The following PCDH15 variants were observed in gnomAD, a reference collection of about 807,000 sequenced individuals.
PCDH15 encodes protocadherin-15.
PCDH15 carries 129 observed loss-of-function variants against 178.5 expected under a neutral mutation model. The observed-to-expected ratio is 0.72, with a 90% CI of 0.63 to 0.84. The LOEUF (loss-of-function observed/expected upper bound fraction) is 0.84, where lower values mean the gene tolerates loss of function less well. PCDH15 is among the 40% of genes least tolerant of loss of function. The pLI is 0.00. For synonymous variants in PCDH15, 800 were observed against 732.0 expected, an observed-to-expected ratio of 1.09 and a Z score of -1.50; for missense variants, 2,230 against 2,099.9, an observed-to-expected ratio of 1.06 and a Z score of -1.21.
intron 25 of PCDH15, among the ~76,000 whole-genome samples, chr10:53,930,551 T>A (rs911578915): frequency 4.6e-5 from 7 of 151,996 alleles, no homozygotes; most frequent in African/African-American, 1.7e-4. Flanking sequence ...CACAGACAGT[T>A]GTTTTCAGAT....
chr10:55,574,552 T>C (rs1046816826), intron 2 of PCDH15, among the ~76,000 whole-genome samples: 2 of 152,046 alleles, frequency 1.3e-5, no homozygotes, highest in African/African-American at 4.8e-5. Context: ...AATATTTTAT[T>C]TTCCCCTTTA....
chr10:55,183,677 A>T (rs530929566), intron 1 of PCDH15, among the ~76,000 whole-genome samples: 246 of 149,952 alleles, frequency 1.6e-3, no homozygotes, highest in African/African-American at 5.7e-3. Flanking sequence ...ATTAAAACCT[A>T]TTTTTTTTTT....
intron 25 of PCDH15, among the ~76,000 whole-genome samples, chr10:53,908,342 G>A (rs1023098331): frequency 6.6e-6 from 1 of 152,212 alleles, no homozygotes; most frequent in Admixed American, 6.5e-5. Flanking sequence ...AGAGGAATTA[G>A]ATGAGTTAAG....
At chr10:53,914,362 C>T (rs1237046781) in intron 25 of PCDH15, among the ~76,000 whole-genome samples, 1 of 152,150 alleles carries the variant, frequency 6.6e-6, no homozygotes, top group Non-Finnish European at 1.5e-5. Context: ...TTCAAACCCA[C>T]CCAAATGTCC....
chr10:54,325,095 G>A (rs2061854833), intron 7 of PCDH15, among the ~76,000 whole-genome samples: 2 of 151,800 alleles, frequency 1.3e-5, no homozygotes, highest in South Asian at 4.2e-4. Flanking sequence ...AATAGCATGG[G>A]TGACAATATT....
At position 54,228,120 on chromosome 10, in the gene PCDH15, C is replaced by T. The variant is rs145995707; in HGVS notation, c.985+8703G>A. ...ATTTTTGGGTCTCTTTTCAGCAACA[C>T]CCCACTCCTGTTACCAATTTACTGT... On this transcript the variant is annotated intron_variant, in intron 9 of 37. Coordinates refer to ENST00000644397, the MANE Select transcript of PCDH15 (RefSeq NM_001384140.1). Among the ~76,000 whole-genome samples the T allele has an allele frequency of 4.6e-5, 7 of 152,270 alleles. No individual in the cohort carries two copies. The South Asian group carries it at 6.2e-4, about 14-fold the overall frequency.
At position 54,132,958 on chromosome 10, in the gene PCDH15, TTTGA is replaced by T. The variant is rs1057517261; in HGVS notation, c.1830_1833del (p.Asn610LysfsTer9). 4.3e-6 allele frequency: 7 copies of T among 1,614,074 alleles called. No homozygotes were observed. The highest frequency in any genetic ancestry group is 5.9e-6 in the Non-Finnish European group (7 of 1,179,988). On this transcript the variant is annotated frameshift_variant, in exon 15 of 38. Coordinates refer to ENST00000644397, the MANE Select transcript of PCDH15 (RefSeq NM_001384140.1). LOFTEE classifies it high-confidence loss of function. Reference sequence around the variant, plus strand: ...ATCAGCTGTGGGAAGCGAGGAGGGCTTTGATTATTTGGTGGAAGCACTTCAATAT... The same window carrying T: ...ATCAGCTGTGGGAAGCGAGGAGGGCTTTATTTGGTGGAAGCACTTCAATAT...
intron 2 of PCDH15, among the ~76,000 whole-genome samples, chr10:54,540,681 C>G (rs1481990086): frequency 6.6e-6 from 1 of 152,056 alleles, no homozygotes; most frequent in African/African-American, 2.4e-5. Flanking sequence ...ACCCTGATAC[C>G]AAAACCTGTT....
intron 2 of PCDH15, among the ~76,000 whole-genome samples, chr10:55,622,285 G>C (rs1488259770): frequency 6.7e-6 from 1 of 149,812 alleles, no homozygotes; most frequent in Admixed American, 6.7e-5. Flanking sequence ...CTGGGATTAC[G>C]GGCATAAGCC....
At chr10:54,806,151 T>A (rs1403690763), upstream of PCDH15, among the ~76,000 whole-genome samples, 1 of 152,194 alleles carries the variant, frequency 6.6e-6, no homozygotes, top group Non-Finnish European at 1.5e-5. Flanking sequence ...GGTATTTTCC[T>A]AAGGAGAAGA....
intron 2 of PCDH15, among the ~76,000 whole-genome samples, chr10:55,452,185 A>G (rs1037881460): frequency 6.6e-6 from 1 of 152,170 alleles, no homozygotes; most frequent in African/African-American, 2.4e-5. Flanking sequence ...AAATGATTAC[A>G]TACCTATTTT....
chr10:54,801,514 T>C (rs544667193), upstream of PCDH15, among the ~76,000 whole-genome samples: 1 of 152,318 alleles, frequency 6.6e-6, no homozygotes, highest in Non-Finnish European at 1.5e-5. Flanking sequence ...CTGTTCTGTT[T>C]TGTGTGTTTG....
intron 2 of PCDH15, among the ~76,000 whole-genome samples, chr10:55,079,933 A>G (rs1305216983): frequency 6.6e-6 from 1 of 152,040 alleles, no homozygotes; most frequent in Non-Finnish European, 1.5e-5. Flanking sequence ...CTCAGGCCCC[A>G]GGTAGTGTGC....
intron 2 of PCDH15, among the ~76,000 whole-genome samples, chr10:55,329,046 A>C (rs1241024835): frequency 6.8e-6 from 1 of 147,018 alleles, no homozygotes; most frequent in African/African-American, 2.5e-5. Context: ...TGTGTATGGA[A>C]ATATGAAGTA....
At chr10:54,849,449 T>C (rs1259869413) in intron 3 of PCDH15, among the ~76,000 whole-genome samples, 1 of 152,198 alleles carries the variant, frequency 6.6e-6, no homozygotes, top group Non-Finnish European at 1.5e-5. Context: ...ATTTAGGCCA[T>C]TTTTCATAAC....
chr10:55,325,744 C>A (rs1235689946), intron 2 of PCDH15, among the ~76,000 whole-genome samples: 6 of 151,972 alleles, frequency 3.9e-5, no homozygotes, highest in Non-Finnish European at 8.8e-5. Flanking sequence ...TTCAGTGCAG[C>A]AAAACAAAAC....
chr10:54,802,130 C>G (rs1952678664), upstream of PCDH15, among the ~76,000 whole-genome samples: 1 of 152,160 alleles, frequency 6.6e-6, no homozygotes, highest in African/African-American at 2.4e-5. Context: ...AAGACTATCA[C>G]AGACAAAAGC....
intron 3 of PCDH15, among the ~76,000 whole-genome samples, chr10:54,527,579 T>C (rs963152659): frequency 1.3e-5 from 2 of 152,144 alleles, no homozygotes; most frequent in African/African-American, 4.8e-5. Context: ...AAATAATTTC[T>C]TTTAAACCAA....
At chr10:55,335,054 C>A (rs939593916) in intron 2 of PCDH15, among the ~76,000 whole-genome samples, 1 of 152,172 alleles carries the variant, frequency 6.6e-6, no homozygotes, top group African/African-American at 2.4e-5. Flanking sequence ...TTGCAATCTG[C>A]TATGGGGTCT....
Sources: allele counts gnomAD v4.1 joint callset (sites outside exome capture counted in the v4.1 genomes callset), GRCh38; gene constraint gnomAD v4.1.1; transcripts MANE v1.5; gene names NCBI Gene and HGNC (gene_info 2026-07-23, HGNC 2026-07-21).